The following GRIA4 variants were observed in gnomAD, a reference collection of about 807,000 sequenced individuals.
GRIA4 encodes the protein glutamate ionotropic receptor AMPA type subunit 4, also known as glutamate receptor 4.
GRIA4 carries 34 observed loss-of-function variants against 104.0 expected under a neutral mutation model. The observed-to-expected ratio is 0.33, with a 90% CI of 0.25 to 0.44. GRIA4 has a LOEUF of 0.44. GRIA4 is among the 20% of genes least tolerant of loss of function. The pLI is 1.00. For synonymous variants in GRIA4, 386 were observed against 381.9 expected, an observed-to-expected ratio of 1.01 and a Z score of -0.13; for missense variants, 750 against 1,096.5, an observed-to-expected ratio of 0.68 and a Z score of 4.46.
At chr11:105,716,759 G>A (rs765876699) in intron 3 of GRIA4, among the ~76,000 whole-genome samples, 3 of 151,990 alleles carry the variant, frequency 2.0e-5, no homozygotes, top group South Asian at 2.1e-4. Flanking sequence ...CAGAAACATC[G>A]GTATGTAGCA....
intron 5 of GRIA4, among the ~76,000 whole-genome samples, chr11:105,863,517 T>G (rs577325923): frequency 6.6e-6 from 1 of 152,126 alleles, no homozygotes; most frequent in African/African-American, 2.4e-5. Context: ...AGCTATTCAA[T>G]GTATATGAAA....
Position 105,718,553 on chromosome 11 carries a change from A to G in GRIA4, c.248-34428A>G, listed in dbSNP as rs527992048. Among the ~76,000 whole-genome samples, 25 of 152,310 alleles carry G rather than the reference A, an allele frequency of 1.6e-4. 1 individual carries two copies. The East Asian group carries it at 4.8e-3, about 29-fold the overall frequency. On this transcript the variant is annotated intron_variant, in intron 3 of 16. Coordinates refer to ENST00000282499, the MANE Select transcript of GRIA4 (RefSeq NM_000829.4). ...GACCTTAAAACCCATATAAATTACA[A>G]CAGAAAACGATTGCTGTCTCATGAT...
At chr11:105,865,806 AATCTT>A (rs1945384389) in intron 5 of GRIA4, among the ~76,000 whole-genome samples, 2 of 152,176 alleles carry the variant, frequency 1.3e-5, no homozygotes, top group Non-Finnish European at 2.9e-5. Context: ...AGCAACAACA[AATCTT>A]ATCTTAACTC....
At chr11:105,724,288 T>A (rs911428198) in intron 3 of GRIA4, among the ~76,000 whole-genome samples, 2 of 151,834 alleles carry the variant, frequency 1.3e-5, no homozygotes, top group Non-Finnish European at 2.9e-5. Context: ...ATAACCTAAG[T>A]GTCCATAAAA....
chr11:105,926,639 C>A (rs1024238040), intron 12 of GRIA4, 102 bp from the exon 13 acceptor site: 22 of 739,842 alleles, frequency 3.0e-5, no homozygotes, highest in Middle Eastern at 5.8e-4. Context: ...CAATACTTGG[C>A]AATTGTTATT....
At chr11:105,716,650 A>G (rs141365030) in intron 3 of GRIA4, among the ~76,000 whole-genome samples, 1 of 152,278 alleles carries the variant, frequency 6.6e-6, no homozygotes, top group Admixed American at 6.6e-5. Context: ...CAACGTATCA[A>G]TGCAAGCAAT....
intron 3 of GRIA4, among the ~76,000 whole-genome samples, chr11:105,739,544 C>G (rs1160862194): frequency 3.3e-5 from 5 of 152,056 alleles, no homozygotes. Context: ...TGGTGATTAG[C>G]TTCAGTAACT....
At chr11:105,629,078 C>CAA (rs33935142) in intron 3 of GRIA4, among the ~76,000 whole-genome samples, 56,042 of 131,946 alleles carry the variant, frequency 0.42, 12,536 homozygotes, top group Middle Eastern at 0.59. Flanking sequence ...ACTTCTCCAC[C>CAA]AAAAAAAAAA....
At chr11:105,775,924 G>T (rs1278502177) in intron 4 of GRIA4, among the ~76,000 whole-genome samples, 1 of 151,562 alleles carries the variant, frequency 6.6e-6, no homozygotes, top group Admixed American at 6.6e-5. Flanking sequence ...ACTTCCATTT[G>T]TTAGAATTTT....
intron 3 of GRIA4, among the ~76,000 whole-genome samples, chr11:105,751,799 T>C (rs1168039916): frequency 1.3e-5 from 2 of 152,228 alleles, no homozygotes; most frequent in African/African-American, 2.4e-5. Flanking sequence ...AATCACCTTC[T>C]GTGTCTTCAT....
intron 3 of GRIA4, among the ~76,000 whole-genome samples, chr11:105,734,941 T>A (rs368259555): frequency 2.6e-5 from 4 of 152,192 alleles, no homozygotes; most frequent in African/African-American, 9.7e-5. Flanking sequence ...TAAGAGTAGA[T>A]GCTCAATATT....
intron 4 of GRIA4, among the ~76,000 whole-genome samples, chr11:105,778,851 T>C (rs1047755594): frequency 2.6e-5 from 4 of 151,574 alleles, no homozygotes; most frequent in Non-Finnish European, 5.9e-5. Context: ...TTGTTACATA[T>C]GTATACATGT....
intron 14 of GRIA4, among the ~76,000 whole-genome samples, chr11:105,960,262 A>G (rs1431450247): frequency 6.6e-6 from 1 of 152,232 alleles, no homozygotes. Context: ...CCCTGCCTCT[A>G]GGAGCTCAGG....
At chr11:105,835,711 A>G (rs1944154652) in intron 4 of GRIA4, among the ~76,000 whole-genome samples, 1 of 152,086 alleles carries the variant, frequency 6.6e-6, no homozygotes, top group Non-Finnish European at 1.5e-5. Context: ...TTTAATCAAC[A>G]TGAAAAAGAG....
At chr11:105,906,856 T>C (rs143938363) in intron 9 of GRIA4, among the ~76,000 whole-genome samples, 110 of 152,294 alleles carry the variant, frequency 7.2e-4, no homozygotes, top group African/African-American at 2.4e-3. Context: ...AGAGATCCTC[T>C]GCTAGCTGGG....
intron 3 of GRIA4, among the ~76,000 whole-genome samples, chr11:105,650,821 A>G (rs1951665973): frequency 6.6e-6 from 1 of 152,144 alleles, no homozygotes. Context: ...TCCTGTAGAA[A>G]TCTCAGATGA....
chr11:105,666,390 A>T (rs967688806), intron 3 of GRIA4, among the ~76,000 whole-genome samples: 1 of 151,968 alleles, frequency 6.6e-6, no homozygotes, highest in Non-Finnish European at 1.5e-5. Context: ...AAAGACAAGT[A>T]AATTACATTT....
At chr11:105,942,222 C>T (rs527453006) in intron 14 of GRIA4, among the ~76,000 whole-genome samples, 68 of 151,908 alleles carry the variant, frequency 4.5e-4, no homozygotes, top group African/African-American at 1.6e-3. Flanking sequence ...AGATTGTCTC[C>T]CAGAGGAAAA....
intron 5 of GRIA4, among the ~76,000 whole-genome samples, chr11:105,879,075 G>A (rs532582756): frequency 2.6e-5 from 4 of 152,320 alleles, no homozygotes; most frequent in South Asian, 2.1e-4. Context: ...TGGGAAGAGC[G>A]TAGTATCTGG....
Sources: gnomAD v4.1 joint callset for allele counts (sites outside exome capture counted in the v4.1 genomes callset) on GRCh38, gnomAD v4.1.1 for gene constraint, MANE v1.5 for transcripts, NCBI Gene and HGNC (gene_info 2026-07-23, HGNC 2026-07-21) for gene names.